OR2T33: variants seen among roughly 807,000 people sequenced by gnomAD.
The protein encoded by OR2T33 is olfactory receptor family 2 subfamily T member 33.
OR2T33 carries 10 observed loss-of-function variants against 14.0 expected under a neutral mutation model. That is an observed-to-expected ratio of 0.72 (90% confidence interval 0.44 to 1.22). OR2T33 has a LOEUF of 1.22. Ranked by LOEUF, OR2T33 falls within the 50% of genes most tolerant of loss-of-function variation. OR2T33 has a pLI of 0.00. For missense variants in OR2T33, 276 were observed against 405.9 expected, an observed-to-expected ratio of 0.68 and a Z score of 2.75; for synonymous variants, 103 against 159.4, an observed-to-expected ratio of 0.65 and a Z score of 2.66.
Position 248,272,920 on chromosome 1 carries a change from G to C in OR2T33, c.895C>G (p.Leu299Val), listed in dbSNP as rs745612076. The stretch of plus-strand genomic sequence containing the variant: ...ACACACGTCCCCAGCCACCGTTTCA[G>C]GGCTCCCTTCACCTCACTGTTCTTC... ...SVKNSEVKGA[L>V]KRWLGTCVNI... Residue 299 changes from leucine to valine, a missense_variant, in exon 2 of 2, where the codon CTG (leucine) becomes GTG (valine). Physicochemically the swap from Leu to Val is conservative, Grantham distance 32. Coordinates refer to ENST00000641220, the MANE Select transcript of OR2T33 (RefSeq NM_001004695.2). 24 of 1,614,012 alleles carry C rather than the reference G, an allele frequency of 1.5e-5. No homozygotes were observed. The highest frequency in any genetic ancestry group is 5.0e-5 in the Admixed American group (3 of 59,984).
At chr1:248,275,789 G>A (rs1417229508) in intron 1 of OR2T33, among the ~76,000 whole-genome samples, 1 of 151,714 alleles carries the variant, frequency 6.6e-6, no homozygotes, top group Non-Finnish European at 1.5e-5. Context: ...TACAGTAGGT[G>A]TACCATTGCT....
At chr1:248,274,984 A>C (rs1409311468) in intron 1 of OR2T33, among the ~76,000 whole-genome samples, 1 of 152,338 alleles carries the variant, frequency 6.6e-6, no homozygotes, top group African/African-American at 2.4e-5. Flanking sequence ...CATAAAAAAA[A>C]GTTTTTTAGT....
At chr1:248,277,281 A>T (rs1242760213) in intron 1 of OR2T33, among the ~76,000 whole-genome samples, 1 of 152,004 alleles carries the variant, frequency 6.6e-6, no homozygotes, top group Non-Finnish European at 1.5e-5. Flanking sequence ...AGGTAAACTG[A>T]TTATCATCCC....
rs1659385820 is a variant in OR2T33, at chr1:248,272,596, G to T, written c.*256C>A. On this transcript the variant is annotated 3_prime_UTR_variant, in exon 2 of 2. Coordinates refer to ENST00000641220, the MANE Select transcript of OR2T33 (RefSeq NM_001004695.2). ...TAATTTCTTTTTTTAGAAAGTAGGAGATATTGTCAACAGTACTTATATCAT... is the reference window on the plus strand; with the variant it reads ...TAATTTCTTTTTTTAGAAAGTAGGATATATTGTCAACAGTACTTATATCAT... 2.4e-6 allele frequency: 1 copy of T among 409,064 alleles called. No individual in the cohort carries two copies. The highest frequency in any genetic ancestry group is 5.3e-5 in the South Asian group (1 of 18,954). 25.3% of individuals were successfully genotyped at this position (409,064 alleles called of 1,614,324 possible).
rs772644245 is a variant in OR2T33, at chr1:248,273,298, C to T, written c.517G>A (p.Asp173Asn). ...SFPYCGAHEI[D>N]HFFCETPVLV... ...ACGGGGGTCTCGCAGAAGAAGTGAT[C>T]GATCTCGTGTGCACCACAATATGGG... Residue 173 changes from aspartate (D) to asparagine (N), a missense_variant, in exon 2 of 2, where the codon GAT becomes AAT. Asp to Asn is a conservative substitution (Grantham distance 23). Transcript: ENST00000641220. 1.2e-5 allele frequency: 19 copies of T among 1,610,268 alleles called. No homozygotes were observed. In the East Asian group the frequency reaches 2.5e-4, roughly 21 times the overall value.
rs1334095819 is a variant in OR2T33 at position 248,271,009 on chromosome 1, A to G, written c.*1843T>C. Reference sequence around the variant, plus strand: ...CTTCTTAAAATTACATATATCAATGACTGGTCAGCATCTAAGAAGGCACTG... The same window carrying G: ...CTTCTTAAAATTACATATATCAATGGCTGGTCAGCATCTAAGAAGGCACTG... On this transcript the variant is annotated 3_prime_UTR_variant, in exon 2 of 2. Transcript: ENST00000641220. The G allele has an allele frequency of 6.6e-6, 1 of 152,184 alleles. No individual in the cohort carries two copies. The highest frequency in any genetic ancestry group is 1.5e-5 in the Non-Finnish European group (1 of 68,024). The allele number at this position is 152,184 out of a possible 1,614,324, so 9.4% of individuals were successfully genotyped here. A position where few individuals can be genotyped will look rare whatever the true frequency, so the allele number is the denominator to read the frequency against.
chr1:248,277,105 A>C (rs1182636739), intron 1 of OR2T33, among the ~76,000 whole-genome samples: 1 of 149,180 alleles, frequency 6.7e-6, no homozygotes, highest in East Asian at 1.9e-4. Flanking sequence ...TTATGTATAA[A>C]ATATATATTT....
rs1659382431 is a variant in OR2T33, at chr1:248,272,335, G to T, written c.*517C>A. The T allele has an allele frequency of 6.6e-6, 1 of 152,580 alleles. No individual in the cohort carries two copies. Among genetic ancestry groups the T allele is most frequent in the Non-Finnish European group, 1.5e-5 (1 of 68,360 alleles). The allele number at this position is 152,580 out of a possible 1,614,324, so 9.5% of individuals were successfully genotyped here. A position where few individuals can be genotyped will look rare whatever the true frequency, so the allele number is the denominator to read the frequency against. On this transcript the variant is annotated 3_prime_UTR_variant, in exon 2 of 2. Coordinates refer to ENST00000641220, the MANE Select transcript of OR2T33 (RefSeq NM_001004695.2). The stretch of plus-strand genomic sequence containing the variant: ...ATATAGCAGTTACATTTGAGTTGTG[G>T]ACTTTCCCTTTTGTCATGCATCTAT...
At chr1:248,274,775 G>A (rs187721995) in intron 1 of OR2T33, among the ~76,000 whole-genome samples, 11 of 152,234 alleles carry the variant, frequency 7.2e-5, no homozygotes, top group Admixed American at 1.3e-4. Flanking sequence ...ACAAGTTATC[G>A]AAAAGATTTG....
chr1:248,274,423 A>G (rs142473964), intron 1 of OR2T33, among the ~76,000 whole-genome samples: 241 of 152,304 alleles, frequency 1.6e-3, no homozygotes, highest in African/African-American at 5.3e-3. Flanking sequence ...CTCCCACTAC[A>G]TACCTTCTTA....
rs1229211487 is a variant in OR2T33 at position 248,271,654 on chromosome 1, C to G, written c.*1198G>C. On this transcript the variant is annotated 3_prime_UTR_variant, in exon 2 of 2. Transcript: ENST00000641220. Reference sequence around the variant, plus strand: ...AGTCCCTTTTGAAATTCAGGATGGCCAGAAATGGCAGGTTAACTTTCAGAC... The same window carrying G: ...AGTCCCTTTTGAAATTCAGGATGGCGAGAAATGGCAGGTTAACTTTCAGAC... 1 of 152,170 alleles carries G rather than the reference C, an allele frequency of 6.6e-6. No individual in the cohort carries two copies. Among genetic ancestry groups the G allele is most frequent in the Non-Finnish European group, 1.5e-5 (1 of 68,014 alleles). The allele number at this position is 152,170 out of a possible 1,614,324, so 9.4% of individuals were successfully genotyped here. A position where few individuals can be genotyped will look rare whatever the true frequency, so the allele number is the denominator to read the frequency against.
At chr1:248,273,926 T>C (rs1659420536) in intron 1 of OR2T33, 104 bp from the exon 2 acceptor site, 6 of 1,413,584 alleles carry the variant, frequency 4.2e-6, no homozygotes, top group Non-Finnish European at 5.6e-6. Context: ...GGGTATGTTA[T>C]CCCAGGTAGT....
In OR2T33 at chr1:248,272,771, T is replaced by C; in HGVS notation, c.*81A>G. ...ATCAATGCAAAAACTTAATTTTCTC[T>C]GCATGAATTGCTAAAGGGAGAGAAT... On this transcript the variant is annotated 3_prime_UTR_variant, in exon 2 of 2. Coordinates refer to ENST00000641220, the MANE Select transcript of OR2T33 (RefSeq NM_001004695.2). The C allele has an allele frequency of 2.0e-6, 3 of 1,506,488 alleles. No homozygotes were observed. In the African/African-American group the frequency reaches 4.2e-5, roughly 21 times the overall value. 93.3% of individuals were successfully genotyped at this position (1,506,488 alleles called of 1,614,324 possible). A position where few individuals can be genotyped will look rare whatever the true frequency, so the allele number is the denominator to read the frequency against.
chr1:248,273,131 A>G lies in OR2T33; in HGVS notation c.684T>C (p.Ser228=). ...LILAAVLHMR[S]TEARKKAFAT... ...CAAAGGCCTTCTTGCGGGCTTCTGT[A>G]GAGCGCATGTGCAGAACAGCAGCGA... Residue 228 remains serine (S), a synonymous_variant, in exon 2 of 2, where the codon TCT becomes TCC. Transcript: ENST00000641220. The G allele has an allele frequency of 1.2e-6, 2 of 1,611,628 alleles. No homozygotes were observed. Among genetic ancestry groups the G allele is most frequent in the Non-Finnish European group, 1.7e-6 (2 of 1,179,692 alleles).
intron 1 of OR2T33, among the ~76,000 whole-genome samples, chr1:248,276,358 T>C (rs185348377): frequency 2.0e-5 from 3 of 152,342 alleles, no homozygotes; most frequent in Non-Finnish European, 4.4e-5. Context: ...TTTAATGTCA[T>C]ATTGCACACC....
chr1:248,276,231 T>C (rs1659445618), intron 1 of OR2T33, among the ~76,000 whole-genome samples: 1 of 152,162 alleles, frequency 6.6e-6, no homozygotes, highest in African/African-American at 2.4e-5. Flanking sequence ...CACCTGACGC[T>C]CACCTCCTAT....
chr1:248,277,772 G>A lies in OR2T33; in HGVS notation c.-16C>T, dbSNP rs1357234130. On this transcript the variant is annotated 5_prime_UTR_variant, in exon 1 of 2. Transcript: ENST00000641220. ...CAAACAAATTAGACTCACCTTTGTA[G>A]TGGAGAATCACAGCCAGTGTGACAT... The A allele has an allele frequency of 6.6e-6, 1 of 152,120 alleles. No homozygotes were observed. Among genetic ancestry groups the A allele is most frequent in the African/African-American group, 2.4e-5 (1 of 41,416 alleles). 9.4% of individuals were successfully genotyped at this position (152,120 alleles called of 1,614,324 possible).
rs2103031346 is a variant in OR2T33 at position 248,272,731 on chromosome 1, A to C, written c.*121T>G. 2 of 1,310,884 alleles carry C rather than the reference A, an allele frequency of 1.5e-6. No individual in the cohort carries two copies. The highest frequency in any genetic ancestry group is 2.3e-5 in the East Asian group (1 of 42,848). The allele number at this position is 1,310,884 out of a possible 1,614,324, so 81.2% of individuals were successfully genotyped here. ...ATACAATTAGCTCACTTAATTCTTA[A>C]AAATATCCTATTATATCAATGCAAA... On this transcript the variant is annotated 3_prime_UTR_variant, in exon 2 of 2. Transcript: ENST00000641220.
rs1259055333 is a variant in OR2T33 at position 248,277,837 on chromosome 1, T to A, written c.-81A>T. ...ATCTTTCTGATGGTTTGAGTACAAA[T>A]GTTTGCTTAATCTTAGTGTTGTGGA... On this transcript the variant is annotated 5_prime_UTR_variant, in exon 1 of 2. Transcript: ENST00000641220. 6.6e-6 allele frequency: 1 copy of A among 152,154 alleles called. No individual in the cohort carries two copies. Among genetic ancestry groups the A allele is most frequent in the East Asian group, 1.9e-4 (1 of 5,192 alleles). The allele number at this position is 152,154 out of a possible 1,614,324, so 9.4% of individuals were successfully genotyped here.
Sources: gnomAD v4.1 joint callset for allele counts (sites outside exome capture counted in the v4.1 genomes callset) on GRCh38, gnomAD v4.1.1 for gene constraint, MANE v1.5 for transcripts, NCBI Gene and HGNC (gene_info 2026-07-23, HGNC 2026-07-21) for gene names.